RANBP2: variants seen among roughly 807,000 people sequenced by gnomAD.
RANBP2 encodes RAN binding protein 2.
A neutral mutation model predicts 303.6 loss-of-function variants in RANBP2; 57 were observed. The observed-to-expected ratio is 0.19, with a 90% CI of 0.15 to 0.23. The LOEUF is 0.23. Among genes scored for constraint, RANBP2 ranks in the 10% least tolerant of loss-of-function variants. The probability of loss-of-function intolerance (pLI) is 1.00; values close to 1 mark genes in which losing one functional copy is unlikely to be tolerated. For missense variants in RANBP2, 3,138 were observed against 3,780.8 expected (o/e 0.83, Z 4.46); for synonymous variants, 1,167 against 1,301.5 (o/e 0.90, Z 2.23).
At chr2:109,546,238 C>T in the RANBP2 span, 1 of 1,537,172 alleles carries the variant, frequency 6.5e-7, no homozygotes, top group Non-Finnish European at 8.7e-7. Context: ...TGGCCTGTAG[C>T]TGGAAACAAA....
At chr2:109,584,549 T>C in the RANBP2 span, among the ~76,000 whole-genome samples, 2 of 150,474 alleles carry the variant, frequency 1.3e-5, no homozygotes, top group South Asian at 4.2e-4. Flanking sequence ...GCTTTACCAA[T>C]CCTTTTCCCC....
chr2:108,877,574 AG>A, the RANBP2 span, among the ~76,000 whole-genome samples: 2 of 145,396 alleles, frequency 1.4e-5, no homozygotes, highest in South Asian at 4.6e-4. Context: ...ACAAACCAAA[AG>A]GTGTCTCGGA....
chr2:108,940,121 A>G, the RANBP2 span: 2 of 152,276 alleles, frequency 1.3e-5, no homozygotes, highest in African/African-American at 4.8e-5. Context: ...TGAACCATTT[A>G]TTGGCACCAG....
At chr2:109,335,347 A>G in the RANBP2 span, among the ~76,000 whole-genome samples, 2 of 152,142 alleles carry the variant, frequency 1.3e-5, no homozygotes, top group East Asian at 3.9e-4. Flanking sequence ...AAAACTCTCA[A>G]TGGCGTTTAT....
At chr2:109,423,977 C>T in the RANBP2 span, among the ~76,000 whole-genome samples, 7 of 152,314 alleles carry the variant, frequency 4.6e-5, no homozygotes, top group East Asian at 1.9e-4. Flanking sequence ...TAGACCCTGG[C>T]GGGCAAAGGT....
intron 7 of RANBP2, among the ~76,000 whole-genome samples, chr2:108,744,148 G>A (rs1268142155): frequency 2.6e-5 from 4 of 152,208 alleles, no homozygotes; most frequent in Non-Finnish European, 5.9e-5. Flanking sequence ...TCACGCCTAT[G>A]ATCTTAGCAC....
At chr2:109,568,550 T>C in the RANBP2 span, among the ~76,000 whole-genome samples, 1 of 152,156 alleles carries the variant, frequency 6.6e-6, no homozygotes, top group Admixed American at 6.6e-5. Context: ...GCAGAACTCT[T>C]GTAAGATTAA....
chr2:109,249,475 T>G, the RANBP2 span, among the ~76,000 whole-genome samples: 1 of 18,272 alleles, frequency 5.5e-5, no homozygotes, highest in Non-Finnish European at 8.3e-5. Context: ...TTCTCTTTCT[T>G]TCTTTCTTTC....
chr2:108,853,900 TTA>T, the RANBP2 span, among the ~76,000 whole-genome samples: 1 of 119,056 alleles, frequency 8.4e-6, no homozygotes, highest in East Asian at 2.1e-4. Context: ...AGTATATATA[TTA>T]TATATTATAT....
At chr2:108,773,541 A>T (rs1558934010) in intron 23 of RANBP2, among the ~76,000 whole-genome samples, 1 of 152,202 alleles carries the variant, frequency 6.6e-6, no homozygotes, top group Non-Finnish European at 1.5e-5. Context: ...ATTAATGGAA[A>T]GGTATATACT....
the RANBP2 span, chr2:109,419,687 T>G: frequency 6.6e-7 from 1 of 1,523,618 alleles, no homozygotes. Flanking sequence ...CCTGCAGCCC[T>G]CCCTCCTGCC....
chr2:109,313,111 T>C, the RANBP2 span, among the ~76,000 whole-genome samples: 1 of 152,212 alleles, frequency 6.6e-6, no homozygotes, highest in African/African-American at 2.4e-5. Flanking sequence ...TGGCTCACAC[T>C]GTAGGTAATA....
the RANBP2 span, among the ~76,000 whole-genome samples, chr2:109,672,589 C>T: frequency 6.6e-6 from 1 of 152,130 alleles, no homozygotes; most frequent in African/African-American, 2.4e-5. Flanking sequence ...CGTATTATTA[C>T]CTTCGGTATG....
At chr2:109,375,928 C>A in the RANBP2 span, among the ~76,000 whole-genome samples, 1 of 152,248 alleles carries the variant, frequency 6.6e-6, no homozygotes, top group Non-Finnish European at 1.5e-5. Context: ...TCCTACATCA[C>A]CTGCACATTG....
chr2:108,886,022 T>C, the RANBP2 span, among the ~76,000 whole-genome samples: 1 of 152,244 alleles, frequency 6.6e-6, no homozygotes, highest in East Asian at 1.9e-4. Context: ...GATGGGCACT[T>C]AGTTTGATTC....
the RANBP2 span, among the ~76,000 whole-genome samples, chr2:109,075,540 T>A: frequency 8.7e-6 from 1 of 115,180 alleles, no homozygotes; most frequent in Non-Finnish European, 1.7e-5. Flanking sequence ...GTTGTTTTCT[T>A]TAAAAAAGGT....
chr2:109,055,396 C>T, the RANBP2 span, among the ~76,000 whole-genome samples: 6 of 131,706 alleles, frequency 4.6e-5, no homozygotes, highest in Non-Finnish European at 7.7e-5. Flanking sequence ...CAGTCTCACT[C>T]TGTCACCCAG....
chr2:109,718,472 A>C, the RANBP2 span, among the ~76,000 whole-genome samples: 2 of 152,244 alleles, frequency 1.3e-5, no homozygotes, highest in African/African-American at 4.8e-5. Flanking sequence ...ACAAAAGACC[A>C]TATATTATAG....
chr2:108,888,972 G>T, the RANBP2 span, among the ~76,000 whole-genome samples: 3 of 151,628 alleles, frequency 2.0e-5, no homozygotes, highest in East Asian at 3.9e-4. Context: ...TGCTTTTGTT[G>T]TACCCCATCA....
Sources: gnomAD v4.1 joint callset for allele counts (sites outside exome capture counted in the v4.1 genomes callset) on GRCh38, gnomAD v4.1.1 for gene constraint, MANE v1.5 for transcripts, NCBI Gene and HGNC (gene_info 2026-07-23, HGNC 2026-07-21) for gene names.